The following CAPZB variants were observed in gnomAD, a reference collection of about 807,000 sequenced individuals.
CAPZB encodes capping actin protein of muscle Z-line subunit beta, also known as F-actin-capping protein subunit beta.
A neutral mutation model predicts 38.1 loss-of-function variants in CAPZB; 2 were observed. The ratio of observed to expected loss-of-function variants is 0.05; its 90% CI spans 0.02 to 0.17. The LOEUF is 0.17. Ranked by LOEUF, CAPZB falls within the 10% of genes least tolerant of loss-of-function variation. The pLI is 1.00. For synonymous variants in CAPZB, 107 were observed against 127.4 expected (o/e 0.84, Z 1.08); for missense variants, 161 against 334.2 (o/e 0.48, Z 4.04).
chr1:19,368,737 A>AGT (rs2094104657), intron 4 of CAPZB, among the ~76,000 whole-genome samples: 1 of 150,036 alleles, frequency 6.7e-6, no homozygotes, highest in East Asian at 2.0e-4. Flanking sequence ...GTGGGACCAT[A>AGT]GTTCACTGCA....
At chr1:19,435,281 C>T (rs1208240811) in intron 1 of CAPZB, among the ~76,000 whole-genome samples, 1 of 152,206 alleles carries the variant, frequency 6.6e-6, no homozygotes, top group African/African-American at 2.4e-5. Context: ...TTCTTTCCAT[C>T]CCCAATCAAA....
chr1:19,459,799 G>A (rs2094544747), intron 1 of CAPZB, among the ~76,000 whole-genome samples: 1 of 152,182 alleles, frequency 6.6e-6, no homozygotes, highest in African/African-American at 2.4e-5. Context: ...CCACGGCTCT[G>A]AGTAGCATGA....
intron 8 of CAPZB, among the ~76,000 whole-genome samples, chr1:19,341,267 AATCTCAGCCG>A (rs1468461656): frequency 1.1e-4 from 16 of 152,166 alleles, no homozygotes; most frequent in Admixed American, 1.0e-3. Flanking sequence ...CCAGGCTCCA[AATCTCAGCCG>A]ATTCCCCAGG....
At chr1:19,353,234 A>G (rs1569912068) in intron 6 of CAPZB, among the ~76,000 whole-genome samples, 2 of 152,074 alleles carry the variant, frequency 1.3e-5, no homozygotes, top group African/African-American at 4.8e-5. Context: ...GGGCCTGGGG[A>G]GACAGCTCCA....
At chr1:19,364,150 CT>C (rs1162106247) in intron 4 of CAPZB, among the ~76,000 whole-genome samples, 1 of 152,210 alleles carries the variant, frequency 6.6e-6, no homozygotes, top group Non-Finnish European at 1.5e-5. Flanking sequence ...GTCAACTTCA[CT>C]GAATAAAGCC....
intron 2 of CAPZB, among the ~76,000 whole-genome samples, chr1:19,390,306 G>C (rs2100252266): frequency 6.6e-6 from 1 of 152,370 alleles, no homozygotes; most frequent in Non-Finnish European, 1.5e-5. Context: ...GGTGCATGTG[G>C]CACTGGCTCT....
At chr1:19,353,198 C>T (rs1157124494) in intron 6 of CAPZB, among the ~76,000 whole-genome samples, 1 of 152,212 alleles carries the variant, frequency 6.6e-6, no homozygotes, top group African/African-American at 2.4e-5. Context: ...GCTGGGATGG[C>T]TCTTGGGGCT....
At chr1:19,381,187 AAATG>A (rs1370166651) in intron 3 of CAPZB, among the ~76,000 whole-genome samples, 3 of 152,152 alleles carry the variant, frequency 2.0e-5, no homozygotes, top group Non-Finnish European at 4.4e-5. Flanking sequence ...AAACAAAAAA[AAATG>A]AATGAATTCT....
chr1:19,388,961 C>T (rs982398128), intron 2 of CAPZB, among the ~76,000 whole-genome samples: 13 of 152,212 alleles, frequency 8.5e-5, no homozygotes, highest in African/African-American at 2.7e-4. Context: ...ATATGGCCAA[C>T]GGACTCCACC....
chr1:19,353,829 G>A (rs767627905), intron 6 of CAPZB, among the ~76,000 whole-genome samples: 3 of 152,232 alleles, frequency 2.0e-5, no homozygotes, highest in East Asian at 1.9e-4. Context: ...AGAGGGCAGC[G>A]CTGCTCAGCA....
In CAPZB at chr1:19,484,662, G is replaced by A. The variant is rs544390437; in HGVS notation, c.3+774C>T. The A allele has an allele frequency of 6.4e-5, 75 of 1,164,240 alleles. No homozygotes were observed. The South Asian group carries it at 1.1e-3, about 17-fold the overall frequency. 72.1% of individuals were successfully genotyped at this position (1,164,240 alleles called of 1,614,324 possible). A position where few individuals can be genotyped will look rare whatever the true frequency, so the allele number is the denominator to read the frequency against. ...CAAAGAAGGCGCGCCCCAGGTACAG[G>A]GAAGGGGACCCTGGGTCGTGCACCA... On this transcript the variant is annotated intron_variant, in intron 1 of 8. Transcript: ENST00000264202.
chr1:19,420,495 C>T (rs1448437792), intron 1 of CAPZB, among the ~76,000 whole-genome samples: 1 of 151,968 alleles, frequency 6.6e-6, no homozygotes, highest in African/African-American at 2.4e-5. Context: ...TGGCTCCCTA[C>T]AACCCCCACT....
chr1:19,401,341 C>T (rs934122312), intron 2 of CAPZB, among the ~76,000 whole-genome samples: 1 of 152,170 alleles, frequency 6.6e-6, no homozygotes, highest in Non-Finnish European at 1.5e-5. Context: ...AAGAGCTATG[C>T]ACACAGCCGG....
intron 1 of CAPZB, among the ~76,000 whole-genome samples, chr1:19,436,407 G>C (rs533373057): frequency 1.3e-5 from 2 of 152,290 alleles, no homozygotes; most frequent in South Asian, 2.1e-4. Flanking sequence ...TAAAACACAA[G>C]AGTAGTGATG....
At chr1:19,377,605 T>C (rs1476751971) in intron 4 of CAPZB, among the ~76,000 whole-genome samples, 4 of 152,206 alleles carry the variant, frequency 2.6e-5, no homozygotes, top group Non-Finnish European at 5.9e-5. Flanking sequence ...ACAGAGACCT[T>C]ATGTGGCCTG....
In CAPZB at chr1:19,339,090, AAC is replaced by A. The variant is rs1186724428; in HGVS notation, c.*438_*439del. 6.0e-6 allele frequency: 1 copy of A among 165,388 alleles called. No homozygotes were observed. The highest frequency in any genetic ancestry group is 6.2e-5 in the Admixed American group (1 of 16,114). 10.2% of individuals were successfully genotyped at this position (165,388 alleles called of 1,614,324 possible). On this transcript the variant is annotated 3_prime_UTR_variant, in exon 9 of 9. Transcript: ENST00000264202. ...GACCCCCAACCCCAAGCAACTCCCA[AAC>A]ACACACGGAATAAGATTTCCAGTTT...
chr1:19,438,240 G>A (rs139718320), intron 1 of CAPZB, among the ~76,000 whole-genome samples: 6 of 152,288 alleles, frequency 3.9e-5, no homozygotes, highest in South Asian at 2.1e-4. Context: ...GATCAGAGAC[G>A]GGAGGCTGGG....
At chr1:19,481,188 G>T (rs2094627282) in intron 1 of CAPZB, among the ~76,000 whole-genome samples, 1 of 152,176 alleles carries the variant, frequency 6.6e-6, no homozygotes, top group Non-Finnish European at 1.5e-5. Context: ...ATAGCATGTG[G>T]CTGGTGCTCC....
chr1:19,407,805 G>T (rs1482098375), intron 2 of CAPZB, among the ~76,000 whole-genome samples: 1 of 152,148 alleles, frequency 6.6e-6, no homozygotes, highest in Non-Finnish European at 1.5e-5. Flanking sequence ...CTCATTCAGG[G>T]AGCAGAAGCA....
Sources: gnomAD v4.1 joint callset for allele counts (sites outside exome capture counted in the v4.1 genomes callset) on GRCh38, gnomAD v4.1.1 for gene constraint, MANE v1.5 for transcripts, NCBI Gene and HGNC (gene_info 2026-07-23, HGNC 2026-07-21) for gene names.